ACKR2: variants seen among roughly 807,000 people sequenced by gnomAD.
The protein encoded by ACKR2 is atypical chemokine receptor 2.
For synonymous variants in ACKR2, 207 were observed against 192.2 expected (o/e 1.08, Z -0.64); for missense variants, 457 against 477.3 (o/e 0.96, Z 0.40).
chr3:42,821,040 A>G (rs1700805504), intron 2 of ACKR2, among the ~76,000 whole-genome samples: 1 of 152,016 alleles, frequency 6.6e-6, no homozygotes. Context: ...GGCTGCCACC[A>G]TGCCCGGCTA....
At chr3:42,840,570 G>A (rs760812683) in intron 2 of ACKR2, among the ~76,000 whole-genome samples, 3 of 152,328 alleles carry the variant, frequency 2.0e-5, no homozygotes, top group Non-Finnish European at 4.4e-5. Flanking sequence ...GGGAACTGAG[G>A]CCTGGGTAAC....
intron 2 of ACKR2, chr3:42,835,902 C>T (rs4683341): frequency 0.33 from 49,977 of 152,008 alleles, 9,799 homozygotes; most frequent in East Asian, 0.62. Flanking sequence ...TCTGCCCACC[C>T]GAGCCTGGGC....
At chr3:42,833,751 GATC>G (rs1395052600) in intron 2 of ACKR2, among the ~76,000 whole-genome samples, 2 of 151,734 alleles carry the variant, frequency 1.3e-5, no homozygotes, top group African/African-American at 4.8e-5. Flanking sequence ...TGGCTTTATT[GATC>G]ATATTAATAT....
chr3:42,842,362 T>G (rs1237158868), intron 2 of ACKR2, among the ~76,000 whole-genome samples: 1 of 152,198 alleles, frequency 6.6e-6, no homozygotes, highest in Non-Finnish European at 1.5e-5. Context: ...TATTTAAGTT[T>G]TAAAGAGTGG....
At chr3:42,847,992 A>G (rs1013196057) in intron 2 of ACKR2, among the ~76,000 whole-genome samples, 4 of 152,024 alleles carry the variant, frequency 2.6e-5, no homozygotes, top group African/African-American at 9.7e-5. Flanking sequence ...CTGACGTGCT[A>G]TGGCTGGGGG....
chr3:42,856,359 A>G, intron 2 of ACKR2: 1 of 702,574 alleles, frequency 1.4e-6, no homozygotes. Context: ...GGGCTCCCTC[A>G]GGAGAGGTTC....
At chr3:42,849,394 G>A (rs1326914587) in intron 2 of ACKR2, among the ~76,000 whole-genome samples, 1 of 151,836 alleles carries the variant, frequency 6.6e-6, no homozygotes, top group Non-Finnish European at 1.5e-5. Context: ...CCCAGCCACC[G>A]GGCCGAGGTA....
intron 1 of ACKR2, among the ~76,000 whole-genome samples, chr3:42,812,680 CTTTTTTTTTTTT>C (rs71616070): frequency 1.4e-5 from 1 of 72,758 alleles, no homozygotes; most frequent in Non-Finnish European, 2.4e-5. Flanking sequence ...AATTTTCAGC[CTTTTTTTTTTTT>C]TTTTTTTTTT....
chr3:42,848,486 G>A (rs1485897713), intron 2 of ACKR2, among the ~76,000 whole-genome samples: 2 of 151,924 alleles, frequency 1.3e-5, no homozygotes, highest in Non-Finnish European at 1.5e-5. Context: ...CCAAACTGCT[G>A]GGATTACAGG....
chr3:42,851,708 C>T (rs187204335), intron 2 of ACKR2, among the ~76,000 whole-genome samples: 1 of 152,280 alleles, frequency 6.6e-6, no homozygotes, highest in Admixed American at 6.5e-5. Context: ...TTCTGAAAAC[C>T]CCTGAGAGTT....
intron 2 of ACKR2, among the ~76,000 whole-genome samples, chr3:42,862,167 C>T (rs1575393887): frequency 6.6e-6 from 1 of 152,350 alleles, no homozygotes; most frequent in Non-Finnish European, 1.5e-5. Context: ...TCAGCAAAGT[C>T]TCAGAATACA....
intron 2 of ACKR2, among the ~76,000 whole-genome samples, chr3:42,836,704 G>A (rs1336439932): frequency 1.3e-5 from 2 of 152,200 alleles, no homozygotes; most frequent in Non-Finnish European, 1.5e-5. Context: ...CCCTGCGACA[G>A]TTTTAGCCAA....
chr3:42,853,955 T>C (rs1288655804), intron 2 of ACKR2, among the ~76,000 whole-genome samples: 1 of 152,210 alleles, frequency 6.6e-6, no homozygotes, highest in Non-Finnish European at 1.5e-5. Context: ...AGTTTGCATG[T>C]TGAATCAGCT....
At chr3:42,822,341 A>T (rs1480448194) in intron 2 of ACKR2, among the ~76,000 whole-genome samples, 1 of 152,120 alleles carries the variant, frequency 6.6e-6, no homozygotes, top group Non-Finnish European at 1.5e-5. Context: ...AATTTTTAAA[A>T]CCTTTCACAT....
chr3:42,820,725 TAA>T (rs34544490), intron 2 of ACKR2, among the ~76,000 whole-genome samples: 40 of 100,458 alleles, frequency 4.0e-4, no homozygotes, highest in African/African-American at 3.9e-4. Flanking sequence ...AAAATAACAG[TAA>T]AAAAAAAAAA....
At position 42,864,875 on chromosome 3, in the gene ACKR2, A is replaced by T. The variant is rs561565825; in HGVS notation, c.373A>T (p.Thr125Ser). 1.9e-6 allele frequency: 3 copies of T among 1,614,004 alleles called. No individual in the cohort carries two copies. The East Asian group carries it at 6.7e-5, about 36-fold the overall frequency. The change falls in exon 3 of 3, where the codon ACT (threonine) becomes TCT (serine). Residue 125 changes from threonine (T) to serine (S), a missense_variant. Thr to Ser is a moderately conservative substitution (Grantham distance 58, BLOSUM62 1). Coordinates refer to ENST00000422265, the MANE Select transcript of ACKR2 (RefSeq NM_001296.5). ...GTGCAAGATGGTGAGCACTCTTTAT[A>T]CTATTAACTTTTACAGTGGCATCTT... ...FLCKMVSTLYTINFYSGIFFI... is the reference protein window; with the variant it reads ...FLCKMVSTLYSINFYSGIFFI...
intron 2 of ACKR2, among the ~76,000 whole-genome samples, chr3:42,832,316 C>T (rs781704920): frequency 3.9e-5 from 6 of 152,012 alleles, no homozygotes; most frequent in Non-Finnish European, 8.8e-5. Flanking sequence ...CAGTGAGGAC[C>T]TGTCTCTAAT....
chr3:42,820,324 A>C (rs1700796056), intron 2 of ACKR2, among the ~76,000 whole-genome samples: 1 of 152,162 alleles, frequency 6.6e-6, no homozygotes, highest in African/African-American at 2.4e-5. Context: ...GTTTCAGGGA[A>C]AACCAGAAAA....
intron 1 of ACKR2, among the ~76,000 whole-genome samples, chr3:42,813,936 C>A (rs905743973): frequency 2.0e-5 from 3 of 152,140 alleles, no homozygotes; most frequent in African/African-American, 7.2e-5. Flanking sequence ...ATTCTCCTTG[C>A]AAATTCTAAG....
Sources: allele counts gnomAD v4.1 joint callset (sites outside exome capture counted in the v4.1 genomes callset), GRCh38; gene constraint gnomAD v4.1.1; transcripts MANE v1.5; gene names NCBI Gene and HGNC (gene_info 2026-07-23, HGNC 2026-07-21).